The following MAN1A2 variants were observed in gnomAD, a reference collection of about 807,000 sequenced individuals.
MAN1A2 encodes the protein mannosyl-oligosaccharide 1,2-alpha-mannosidase IB.
Under a neutral mutation model 75.7 loss-of-function variants are expected in MAN1A2, and 26 were observed. The observed-to-expected ratio is 0.34, with a 90% CI of 0.25 to 0.48. MAN1A2 has a LOEUF of 0.48. Ranked by LOEUF, MAN1A2 falls within the 20% of genes least tolerant of loss-of-function variation. The probability of loss-of-function intolerance (pLI) is 0.99; values close to 1 mark genes in which losing one functional copy is unlikely to be tolerated. For missense variants in MAN1A2, 562 were observed against 775.5 expected (o/e 0.72, Z 3.27); for synonymous variants, 247 against 264.6 (o/e 0.93, Z 0.65).
chr1:117,380,216 A>AGT (rs1385093146), intron 1 of MAN1A2, among the ~76,000 whole-genome samples: 3 of 152,220 alleles, frequency 2.0e-5, no homozygotes, highest in Non-Finnish European at 4.4e-5. Flanking sequence ...TGAATGAATG[A>AGT]GTAATGATGA....
chr1:117,427,241 G>A (rs1246476071), intron 5 of MAN1A2, among the ~76,000 whole-genome samples: 1 of 152,054 alleles, frequency 6.6e-6, no homozygotes, highest in Non-Finnish European at 1.5e-5. Context: ...GGATGTTAAA[G>A]CAGCTGTTAT....
chr1:117,413,984 A>G (rs747532278), intron 3 of MAN1A2, among the ~76,000 whole-genome samples: 2 of 151,790 alleles, frequency 1.3e-5, no homozygotes, highest in Non-Finnish European at 2.9e-5. Flanking sequence ...TAGTTTTGGT[A>G]TCAGTTAGGC....
chr1:117,380,623 C>CA (rs1175390028), intron 1 of MAN1A2, among the ~76,000 whole-genome samples: 1 of 152,088 alleles, frequency 6.6e-6, no homozygotes, highest in Non-Finnish European at 1.5e-5. Context: ...GTTGAAGAGA[C>CA]AAATTTTCCC....
rs146206125 is a variant in MAN1A2 at position 117,416,038 on chromosome 1, A to C, written c.774+1207A>C. The stretch of plus-strand genomic sequence containing the variant: ...TTGTTTAAGAAAGCCCTACTCCTAG[A>C]TCATGAATATATTTTCTTATATTTT... On this transcript the variant is annotated intron_variant, in intron 4 of 12. Coordinates refer to ENST00000356554, the MANE Select transcript of MAN1A2 (RefSeq NM_006699.5). Among the ~76,000 whole-genome samples, 990 of 152,188 alleles carry C rather than the reference A, an allele frequency of 6.5e-3. 5 individuals are homozygous for C. The highest frequency in any genetic ancestry group is 0.022 in the African/African-American group (934 of 41,536).
intron 6 of MAN1A2, among the ~76,000 whole-genome samples, chr1:117,451,452 G>A (rs1257777293): frequency 2.6e-5 from 4 of 152,170 alleles, no homozygotes; most frequent in Admixed American, 2.0e-4. Flanking sequence ...AGACTTTGGG[G>A]GACTGTTGGG....
chr1:117,514,743 G>C lies in MAN1A2; in HGVS notation c.1794-8082G>C, dbSNP rs1651660703. The C allele has an allele frequency of 8.1e-6, 4 of 496,856 alleles. No homozygotes were observed. In the Admixed American group the frequency reaches 8.3e-5, roughly 10 times the overall value. 30.8% of individuals were successfully genotyped at this position (496,856 alleles called of 1,614,324 possible). ...AGAGAGAATCAGTGGGATCATTGTGGGTGAGGATTCTCAGATGAGGGGAAA... is the reference window on the plus strand; with the variant it reads ...AGAGAGAATCAGTGGGATCATTGTGCGTGAGGATTCTCAGATGAGGGGAAA... On this transcript the variant is annotated intron_variant, in intron 12 of 12. Coordinates refer to ENST00000356554, the MANE Select transcript of MAN1A2 (RefSeq NM_006699.5).
chr1:117,418,334 G>A (rs1470989882), intron 4 of MAN1A2, among the ~76,000 whole-genome samples: 6 of 152,038 alleles, frequency 3.9e-5, no homozygotes, highest in South Asian at 2.1e-4. Flanking sequence ...AAGTGCTATG[G>A]AGAGTAATGG....
intron 8 of MAN1A2, among the ~76,000 whole-genome samples, chr1:117,470,617 C>G (rs1279056728): frequency 2.0e-5 from 3 of 151,958 alleles, no homozygotes; most frequent in African/African-American, 7.2e-5. Flanking sequence ...ATAGAAAGAG[C>G]TATTCACTGG....
chr1:117,394,244 G>C (rs759537205), intron 1 of MAN1A2, among the ~76,000 whole-genome samples: 13 of 152,014 alleles, frequency 8.6e-5, no homozygotes, highest in Admixed American at 2.0e-4. Context: ...ACCATGCCTG[G>C]CTAATTTTTT....
rs1395107561 is a variant in MAN1A2 at position 117,527,232 on chromosome 1, T to C, written c.*4275T>C. 6.6e-6 allele frequency: 1 copy of C among 151,808 alleles called. No individual in the cohort carries two copies. The highest frequency in any genetic ancestry group is 1.9e-4 in the East Asian group (1 of 5,186). 9.4% of individuals were successfully genotyped at this position (151,808 alleles called of 1,614,324 possible). Reference sequence around the variant, plus strand: ...TATGAGAGCTATACAGTCTCTCTTATTACTCATTTCTGCTGTTGAAGTATC... The same window carrying C: ...TATGAGAGCTATACAGTCTCTCTTACTACTCATTTCTGCTGTTGAAGTATC... On this transcript the variant is annotated 3_prime_UTR_variant, in exon 13 of 13. Transcript: ENST00000356554.
chr1:117,416,470 A>C (rs1421922222), intron 4 of MAN1A2, among the ~76,000 whole-genome samples: 1 of 152,180 alleles, frequency 6.6e-6, no homozygotes, highest in African/African-American at 2.4e-5. Flanking sequence ...GGGGAGAATT[A>C]GCATCTGTGC....
intron 6 of MAN1A2, among the ~76,000 whole-genome samples, chr1:117,447,908 T>C (rs988743976): frequency 6.6e-6 from 1 of 152,224 alleles, no homozygotes; most frequent in African/African-American, 2.4e-5. Flanking sequence ...CTATCCGAGC[T>C]CTTTTTTGAT....
At chr1:117,373,312 G>A (rs556946962) in intron 1 of MAN1A2, among the ~76,000 whole-genome samples, 7 of 151,814 alleles carry the variant, frequency 4.6e-5, no homozygotes, top group South Asian at 2.1e-4. Flanking sequence ...TTTGGGCGAC[G>A]TCACATTGTT....
intron 6 of MAN1A2, among the ~76,000 whole-genome samples, chr1:117,444,570 T>A (rs1649147823): frequency 6.6e-6 from 1 of 152,110 alleles, no homozygotes; most frequent in Non-Finnish European, 1.5e-5. Context: ...AAATTCTTTT[T>A]AATTTTTGAC....
intron 5 of MAN1A2, among the ~76,000 whole-genome samples, chr1:117,423,010 T>G (rs559661140): frequency 7.9e-5 from 12 of 152,292 alleles, no homozygotes; most frequent in Non-Finnish European, 1.5e-4. Context: ...GATTTTCTCT[T>G]AAGTTTTCTT....
chr1:117,418,085 AT>A (rs1283847187), intron 4 of MAN1A2, among the ~76,000 whole-genome samples: 1 of 152,022 alleles, frequency 6.6e-6, no homozygotes, highest in Non-Finnish European at 1.5e-5. Flanking sequence ...AACTTAACTC[AT>A]CCCCCTTTTG....
chr1:117,459,559 C>G (rs1227687729), intron 6 of MAN1A2, among the ~76,000 whole-genome samples: 1 of 152,116 alleles, frequency 6.6e-6, no homozygotes, highest in African/African-American at 2.4e-5. Context: ...TGCATTTACT[C>G]AGTCTGTGTT....
At chr1:117,436,804 T>C (rs909730170) in intron 5 of MAN1A2, among the ~76,000 whole-genome samples, 1 of 152,226 alleles carries the variant, frequency 6.6e-6, no homozygotes, top group Non-Finnish European at 1.5e-5. Context: ...GCAAATGAAC[T>C]TGAAGCTTTG....
intron 1 of MAN1A2, among the ~76,000 whole-genome samples, chr1:117,399,242 G>C (rs1236733794): frequency 6.6e-6 from 1 of 152,192 alleles, no homozygotes; most frequent in Admixed American, 6.5e-5. Flanking sequence ...GTTCGTGGAA[G>C]CTCACTGGTA....
Sources: allele counts gnomAD v4.1 joint callset (sites outside exome capture counted in the v4.1 genomes callset), GRCh38; gene constraint gnomAD v4.1.1; transcripts MANE v1.5; gene names NCBI Gene and HGNC (gene_info 2026-07-23, HGNC 2026-07-21).